Variants in FANK1 observed in about 807,000 individuals in gnomAD.
The protein encoded by FANK1 is fibronectin type 3 and ankyrin repeat domains protein 1.
FANK1 carries 44 observed loss-of-function variants against 45.3 expected under a neutral mutation model. That is an observed-to-expected ratio of 0.97 (90% CI 0.76 to 1.25). The LOEUF (loss-of-function observed/expected upper bound fraction) is 1.25, where lower values mean the gene tolerates loss of function less well. FANK1 is among the 50% of genes most tolerant of loss of function. FANK1 has a pLI of 0.00. For missense variants in FANK1, 391 were observed against 424.4 expected, an observed-to-expected ratio of 0.92 and a Z score of 0.69; for synonymous variants, 149 against 152.5, an observed-to-expected ratio of 0.98 and a Z score of 0.17.
At chr10:125,917,552 T>C (rs1236662974) in intron 1 of FANK1, among the ~76,000 whole-genome samples, 1 of 152,228 alleles carries the variant, frequency 6.6e-6, no homozygotes, top group African/African-American at 2.4e-5. Flanking sequence ...TTTCTTCAGG[T>C]CTTTATTTCC....
intron 1 of FANK1, among the ~76,000 whole-genome samples, chr10:125,941,270 A>G (rs568756540): frequency 6.6e-6 from 1 of 152,346 alleles, no homozygotes; most frequent in African/African-American, 2.4e-5. Flanking sequence ...AACAAGCAAC[A>G]TATGGACAAT....
chr10:125,906,515 C>CAAAAAAAAAAAAAAAAAAAAAAAAAAA (rs34132526), intron 1 of FANK1, among the ~76,000 whole-genome samples: 2 of 46,410 alleles, frequency 4.3e-5, no homozygotes, highest in African/African-American at 1.5e-4. Context: ...GACTCTGTCT[C>CAAAAAAAAAAAAAAAAAAAAAAAAAAA]AAAAAAAAAA....
At chr10:125,914,295 A>ATATATATATATATATATATATAT (rs1946274486) in intron 1 of FANK1, among the ~76,000 whole-genome samples, 3 of 151,040 alleles carry the variant, frequency 2.0e-5, no homozygotes, top group African/African-American at 4.9e-5. Context: ...ATATATATTT[A>ATATATATATATATATATATATAT]AAAAGTCTCA....
At chr10:125,921,673 G>GT (rs1256516231) in intron 1 of FANK1, among the ~76,000 whole-genome samples, 6 of 152,140 alleles carry the variant, frequency 3.9e-5, no homozygotes, top group African/African-American at 1.4e-4. Context: ...TTCTTCTTGA[G>GT]TTTTGGTAGT....
Position 125,904,214 on chromosome 10 carries a change from AT to A in FANK1, c.13+7561del, listed in dbSNP as rs760416301. 6.0e-4 allele frequency among the ~76,000 whole-genome samples: 91 copies of A among 152,358 alleles called. No individual in the cohort carries two copies. The Middle Eastern group carries it at 0.014, about 23-fold the overall frequency. ...AAGTCAATCATTTTTTTAAAAAAAGATTCCACAATTATTATAAGCAGAAACA... is the reference window on the plus strand; with the variant it reads ...AAGTCAATCATTTTTTTAAAAAAAGATCCACAATTATTATAAGCAGAAACA... On this transcript the variant is annotated intron_variant, in intron 1 of 10. Coordinates refer to ENST00000368693, the MANE Select transcript of FANK1 (RefSeq NM_145235.5).
rs544458755 is a variant in FANK1, at chr10:125,953,522, A to G, written c.14-26639A>G. On this transcript the variant is annotated intron_variant, in intron 1 of 10. Transcript: ENST00000368693. ...GGATCCTATAGGTGAACTTGTTTGGAGAATGAGTTCCTATGCGGGGGAAGA... is the reference window on the plus strand; with the variant it reads ...GGATCCTATAGGTGAACTTGTTTGGGGAATGAGTTCCTATGCGGGGGAAGA... Among the ~76,000 whole-genome samples the G allele has an allele frequency of 2.6e-5, 4 of 152,250 alleles. No individual in the cohort carries two copies. The East Asian group carries it at 5.8e-4, about 22-fold the overall frequency.
At chr10:125,981,651 G>A (rs888543872) in intron 2 of FANK1, among the ~76,000 whole-genome samples, 5 of 152,110 alleles carry the variant, frequency 3.3e-5, no homozygotes, top group Non-Finnish European at 2.9e-5. Flanking sequence ...ATGGTTTTTA[G>A]TGAAACTTTT....
At chr10:126,007,228 T>G (rs1478777984) in intron 7 of FANK1, 1 of 152,194 alleles carries the variant, frequency 6.6e-6, no homozygotes, top group Non-Finnish European at 1.5e-5. Context: ...GGCGACTGAC[T>G]TATTCATTTG....
intron 1 of FANK1, among the ~76,000 whole-genome samples, chr10:125,951,297 A>T (rs1352898030): frequency 1.3e-5 from 2 of 151,980 alleles, no homozygotes; most frequent in African/African-American, 4.8e-5. Flanking sequence ...ACTGGCCAAG[A>T]TCTTATAACT....
At chr10:125,907,604 G>C (rs545986878) in intron 1 of FANK1, 8 of 782,756 alleles carry the variant, frequency 1.0e-5, no homozygotes, top group Non-Finnish European at 1.2e-5. Context: ...GTATGTGTGT[G>C]TGTGTGTGTG....
intron 1 of FANK1, among the ~76,000 whole-genome samples, chr10:125,937,061 C>G (rs1162562541): frequency 6.6e-6 from 1 of 151,748 alleles, no homozygotes; most frequent in Non-Finnish European, 1.5e-5. Context: ...AAAAGCCAAA[C>G]TCCGTCTCAA....
chr10:125,898,457 G>T (rs935844098), intron 1 of FANK1, among the ~76,000 whole-genome samples: 1 of 152,082 alleles, frequency 6.6e-6, no homozygotes. Flanking sequence ...ATGGACAAAG[G>T]CTCCCAAGAG....
At chr10:125,988,517 G>A (rs991954441) in intron 2 of FANK1, 34 bp from the exon 3 acceptor site, 4 of 1,609,006 alleles carry the variant, frequency 2.5e-6, no homozygotes, top group Non-Finnish European at 3.4e-6. Flanking sequence ...TAAGCTACCT[G>A]GTGTTATCAG....
intron 1 of FANK1, among the ~76,000 whole-genome samples, chr10:125,912,990 A>G (rs1946149562): frequency 6.6e-6 from 1 of 152,242 alleles, no homozygotes; most frequent in South Asian, 2.1e-4. Context: ...AATTCTTTAA[A>G]CTTCAAAGAA....
Position 125,980,324 on chromosome 10 carries a change from T to C in FANK1, c.177T>C (p.Tyr59=), listed in dbSNP as rs147745029. 2,116 of 1,613,958 alleles carry C rather than the reference T, an allele frequency of 1.3e-3. 26 individuals are homozygous for C. The African/African-American group carries it at 0.022, about 17-fold the overall frequency. Residue 59 remains tyrosine, a synonymous_variant, in exon 2 of 11, where the codon TAT becomes TAC. Coordinates refer to ENST00000368693, the MANE Select transcript of FANK1 (RefSeq NM_145235.5). ...IEEEDPKMHT[Y]GIIYTGYATK... ...AAGAAGACCCCAAAATGCACACTTA[T>C]GGTATCATTTATACGTAGGTGCAGT...
intron 1 of FANK1, among the ~76,000 whole-genome samples, chr10:125,961,111 A>T (rs1351498004): frequency 4.6e-5 from 7 of 152,086 alleles, no homozygotes; most frequent in Non-Finnish European, 8.8e-5. Flanking sequence ...CTTTTTAAAA[A>T]TTTTTTATTT....
At chr10:125,926,535 T>A (rs1313489336) in intron 1 of FANK1, among the ~76,000 whole-genome samples, 2 of 152,310 alleles carry the variant, frequency 1.3e-5, no homozygotes, top group Non-Finnish European at 2.9e-5. Context: ...CACATGTAAA[T>A]GAAACCATAC....
rs749634728 is a variant in FANK1 at position 125,996,538 on chromosome 10, G to T, written c.399-12G>T. Reference sequence around the variant, plus strand: ...CTGAGCATGTTTATCTCTTTTCTCTGCTTTTCCCAAGCCGTGTTAAGGTTG... The same window carrying T: ...CTGAGCATGTTTATCTCTTTTCTCTTCTTTTCCCAAGCCGTGTTAAGGTTG... On this transcript the variant is annotated splice_polypyrimidine_tract_variant and intron_variant, in intron 4 of 10. Transcript: ENST00000368693. 7 of 1,613,676 alleles carry T rather than the reference G, an allele frequency of 4.3e-6. No homozygotes were observed. Among genetic ancestry groups the T allele is most frequent in the Non-Finnish European group, 5.9e-6 (7 of 1,179,876 alleles).
intron 1 of FANK1, among the ~76,000 whole-genome samples, chr10:125,936,111 G>T (rs929541538): frequency 2.0e-5 from 3 of 152,036 alleles, no homozygotes; most frequent in African/African-American, 7.2e-5. Flanking sequence ...TAGGACAAAT[G>T]GAAACATCAG....
Sources: gnomAD v4.1 joint callset for allele counts (sites outside exome capture counted in the v4.1 genomes callset) on GRCh38, gnomAD v4.1.1 for gene constraint, MANE v1.5 for transcripts, NCBI Gene and HGNC (gene_info 2026-07-23, HGNC 2026-07-21) for gene names.